The following PTPRT variants were observed in gnomAD, a reference collection of about 807,000 sequenced individuals.
PTPRT encodes the protein protein tyrosine phosphatase receptor type T, also known as receptor-type tyrosine-protein phosphatase T.
A neutral mutation model predicts 176.8 loss-of-function variants in PTPRT; 56 were observed. The observed-to-expected ratio is 0.32, with a 90% CI of 0.26 to 0.40. The LOEUF is 0.40. Ranked by LOEUF, PTPRT falls within the 10% of genes least tolerant of loss-of-function variation. The pLI is 1.00. For synonymous variants in PTPRT, 783 were observed against 739.0 expected (o/e 1.06, Z -0.96); for missense variants, 1,540 against 1,908.2 (o/e 0.81, Z 3.60).
At chr20:42,082,141 G>A in intron 29 of PTPRT, 124 bp from the exon 30 acceptor site, 4 of 1,380,394 alleles carry the variant, frequency 2.9e-6, no homozygotes, top group Non-Finnish European at 4.0e-6. Context: ...AGGCAATGGT[G>A]AAGGCTTTAG....
intron 16 of PTPRT, among the ~76,000 whole-genome samples, chr20:42,178,354 G>C (rs537733153): frequency 6.6e-5 from 10 of 152,310 alleles, no homozygotes; most frequent in African/African-American, 2.2e-4. Flanking sequence ...TCCCTGAATA[G>C]TTGCCCTTAT....
chr20:42,579,033 T>G (rs1383614875), intron 7 of PTPRT, among the ~76,000 whole-genome samples: 1 of 151,686 alleles, frequency 6.6e-6, no homozygotes, highest in Non-Finnish European at 1.5e-5. Flanking sequence ...ACATTAGGTA[T>G]ATCTTTTAAT....
At chr20:43,158,364 C>T (rs1250525321) in intron 1 of PTPRT, among the ~76,000 whole-genome samples, 2 of 152,118 alleles carry the variant, frequency 1.3e-5, no homozygotes, top group Non-Finnish European at 2.9e-5. Context: ...GAATGTTAGA[C>T]ATATAAGTGG....
Position 42,733,250 on chromosome 20 carries a change from G to A in PTPRT, c.859+23212C>T, listed in dbSNP as rs534408870. Among the ~76,000 whole-genome samples, 9 of 152,288 alleles carry A rather than the reference G, an allele frequency of 5.9e-5. No individual in the cohort carries two copies. In the East Asian group the frequency reaches 1.7e-3, roughly 29 times the overall value. On this transcript the variant is annotated intron_variant, in intron 6 of 30. Coordinates refer to ENST00000373187, the MANE Select transcript of PTPRT (RefSeq NM_007050.6). ...AGCCAGGAGGGTGGCCAAGATCACA[G>A]CGGGAGGATGGAGCAAATCCTTGGG...
rs921243324 is a variant in PTPRT at position 42,452,379 on chromosome 20, G to C, written c.1451-4050C>G. ...AGAGCAAGGGTGGGTTGAAAGAAGG[G>C]TTCTCTCCTTTTGTGAGAGAAGAGG... On this transcript the variant is annotated intron_variant, in intron 8 of 30. Coordinates refer to ENST00000373187, the MANE Select transcript of PTPRT (RefSeq NM_007050.6). 9.2e-5 allele frequency among the ~76,000 whole-genome samples: 14 copies of C among 152,086 alleles called. 1 individual carries two copies. Among genetic ancestry groups the C allele is most frequent in the African/African-American group, 3.4e-4 (14 of 41,410 alleles).
At chr20:42,582,430 C>T (rs1227783239) in intron 7 of PTPRT, among the ~76,000 whole-genome samples, 3 of 152,144 alleles carry the variant, frequency 2.0e-5, no homozygotes, top group East Asian at 3.9e-4. Flanking sequence ...AGGTCACCAA[C>T]GAACTGGAAA....
intron 11 of PTPRT, among the ~76,000 whole-genome samples, chr20:42,320,782 A>G (rs1398096846): frequency 1.3e-5 from 2 of 152,140 alleles, no homozygotes; most frequent in Non-Finnish European, 2.9e-5. Flanking sequence ...CTCAAACCAA[A>G]GGCTTTTGAA....
intron 12 of PTPRT, among the ~76,000 whole-genome samples, chr20:42,291,666 C>T (rs1484819355): frequency 6.6e-6 from 1 of 151,916 alleles, no homozygotes; most frequent in African/African-American, 2.4e-5. Context: ...GAAGGTCATC[C>T]CAGACTCAGA....
In PTPRT at chr20:42,199,914, T is replaced by C. The variant is rs774554156; in HGVS notation, c.2343-526A>G. On this transcript the variant is annotated intron_variant, in intron 15 of 30. Transcript: ENST00000373187. The stretch of plus-strand genomic sequence containing the variant: ...CAAAAGAAGGAAATTTAGAGCTGAA[T>C]TGATGCAACCTTATTCCCATGGGAA... Among the ~76,000 whole-genome samples, 17 of 152,266 alleles carry C rather than the reference T, an allele frequency of 1.1e-4. No individual in the cohort carries two copies. The East Asian group carries it at 1.9e-3, about 17-fold the overall frequency.
At chr20:42,318,934 C>T (rs1419614531) in intron 11 of PTPRT, among the ~76,000 whole-genome samples, 2 of 152,186 alleles carry the variant, frequency 1.3e-5, no homozygotes, top group South Asian at 2.1e-4. Flanking sequence ...AACCACATGG[C>T]TGTCCTCATT....
At chr20:43,063,748 G>A (rs138487498) in intron 1 of PTPRT, 2 of 152,182 alleles carry the variant, frequency 1.3e-5, no homozygotes, top group Non-Finnish European at 1.5e-5. Flanking sequence ...AAAGAAAAGA[G>A]GAAACAGTCA....
At chr20:42,171,499 T>C (rs1033099109) in intron 16 of PTPRT, among the ~76,000 whole-genome samples, 5 of 152,192 alleles carry the variant, frequency 3.3e-5, no homozygotes, top group African/African-American at 1.2e-4. Context: ...CCTTTCATAA[T>C]GGATATTCAA....
chr20:42,632,963 C>T (rs1178793147), intron 7 of PTPRT, among the ~76,000 whole-genome samples: 1 of 152,112 alleles, frequency 6.6e-6, no homozygotes, highest in Non-Finnish European at 1.5e-5. Flanking sequence ...AATAGGACAT[C>T]TATTTGGCAA....
rs2146109948 is a variant in PTPRT at position 42,084,669 on chromosome 20, C to T, written c.4136+13G>A. On this transcript the variant is annotated intron_variant, in intron 29 of 30. Coordinates refer to ENST00000373187, the MANE Select transcript of PTPRT (RefSeq NM_007050.6). ...CCACCCTATTGCCCTGGTGACACCT[C>T]CCTAGTACTCACAGGCAGTGGACCA... 1 of 1,467,896 alleles carries T rather than the reference C, an allele frequency of 6.8e-7. No individual in the cohort carries two copies. The highest frequency in any genetic ancestry group is 2.5e-5 in the East Asian group (1 of 40,244). 90.9% of individuals were successfully genotyped at this position (1,467,896 alleles called of 1,614,324 possible).
chr20:42,911,814 A>G (rs534027507), intron 1 of PTPRT, among the ~76,000 whole-genome samples: 20 of 152,148 alleles, frequency 1.3e-4, no homozygotes, highest in Non-Finnish European at 2.1e-4. Context: ...TATTTTCCAA[A>G]GAACATTTGG....
rs562866741 is a variant in PTPRT, at chr20:43,109,085, T to C, written c.88+80561A>G. Among the ~76,000 whole-genome samples the C allele has an allele frequency of 9.2e-5, 14 of 152,222 alleles. 1 individual carries two copies. Among genetic ancestry groups the C allele is most frequent in the East Asian group, 3.9e-4 (2 of 5,180 alleles). On this transcript the variant is annotated intron_variant, in intron 1 of 30. Coordinates refer to ENST00000373187, the MANE Select transcript of PTPRT (RefSeq NM_007050.6). ...AGTTTTCCCATTTTCTATTTTTTTT[T>C]CCCCGCTTTCCCTTTCTCTGCTGTT...
chr20:42,279,781 T>C (rs1442259064), intron 13 of PTPRT, among the ~76,000 whole-genome samples: 2 of 152,186 alleles, frequency 1.3e-5, no homozygotes, highest in East Asian at 3.9e-4. Context: ...TGCTTAGGGC[T>C]GTTACAACTG....
At chr20:43,061,511 T>A (rs935796518) in intron 1 of PTPRT, among the ~76,000 whole-genome samples, 2 of 152,236 alleles carry the variant, frequency 1.3e-5, no homozygotes, top group African/African-American at 4.8e-5. Context: ...CTAGATGTCA[T>A]CTTTTAAGTA....
At chr20:42,238,596 C>G (rs1004039625) in intron 14 of PTPRT, among the ~76,000 whole-genome samples, 1 of 152,212 alleles carries the variant, frequency 6.6e-6, no homozygotes, top group Non-Finnish European at 1.5e-5. Flanking sequence ...TTGATGAAGA[C>G]TTATAGGACA....
Sources: allele counts gnomAD v4.1 joint callset (sites outside exome capture counted in the v4.1 genomes callset), GRCh38; gene constraint gnomAD v4.1.1; transcripts MANE v1.5; gene names NCBI Gene and HGNC (gene_info 2026-07-23, HGNC 2026-07-21).